DOCK1: variants seen among roughly 807,000 people sequenced by gnomAD.
The protein encoded by DOCK1 is dedicator of cytokinesis 1, also known as dedicator of cytokinesis protein 1.
Under a neutral mutation model 262.7 loss-of-function variants are expected in DOCK1, and 138 were observed. The observed-to-expected ratio is 0.53, with a 90% CI of 0.46 to 0.61. The LOEUF (loss-of-function observed/expected upper bound fraction) is 0.61, where lower values mean the gene tolerates loss of function less well. Among genes scored for constraint, DOCK1 ranks in the 20% least tolerant of loss-of-function variants. The probability of loss-of-function intolerance (pLI) is 0.00; values close to 1 mark genes in which losing one functional copy is unlikely to be tolerated. For missense variants in DOCK1, 1,908 were observed against 2,370.7 expected, an observed-to-expected ratio of 0.80 and a Z score of 4.05; for synonymous variants, 866 against 867.4, an observed-to-expected ratio of 1.00 and a Z score of 0.03.
At chr10:127,033,647 G>A (rs1433330192) in intron 18 of DOCK1, among the ~76,000 whole-genome samples, 2 of 152,124 alleles carry the variant, frequency 1.3e-5, no homozygotes, top group Non-Finnish European at 2.9e-5. Flanking sequence ...GGGATTGTCC[G>A]TAAATCATGG....
At chr10:127,217,395 A>G (rs2134400116) in intron 27 of DOCK1, among the ~76,000 whole-genome samples, 1 of 152,304 alleles carries the variant, frequency 6.6e-6, no homozygotes, top group South Asian at 2.1e-4. Flanking sequence ...ATTTACTGGA[A>G]ACCAAATTGA....
intron 1 of DOCK1, among the ~76,000 whole-genome samples, chr10:126,941,483 A>G (rs936864891): frequency 0.013 from 2,039 of 152,322 alleles, 31 homozygotes; most frequent in African/African-American, 0.039. Flanking sequence ...TGGGCCGGGC[A>G]CAGTGGCTCA....
At chr10:126,940,337 T>C (rs2034889171) in intron 1 of DOCK1, among the ~76,000 whole-genome samples, 1 of 152,212 alleles carries the variant, frequency 6.6e-6, no homozygotes, top group Admixed American at 6.5e-5. Context: ...TGTTTATTCT[T>C]TCAAACCAGG....
chr10:127,157,397 G>A (rs1409859241), intron 27 of DOCK1, among the ~76,000 whole-genome samples: 4 of 152,228 alleles, frequency 2.6e-5, no homozygotes, highest in African/African-American at 9.6e-5. Flanking sequence ...TATAAAATGA[G>A]AGGCCCTTTG....
At chr10:127,182,222 T>G (rs1564879254) in intron 27 of DOCK1, among the ~76,000 whole-genome samples, 1 of 152,184 alleles carries the variant, frequency 6.6e-6, no homozygotes, top group Non-Finnish European at 1.5e-5. Flanking sequence ...AGAGGTTAAA[T>G]GTAGGCATCG....
intron 30 of DOCK1, among the ~76,000 whole-genome samples, chr10:127,340,862 T>C (rs1158382103): frequency 6.6e-6 from 1 of 152,204 alleles, no homozygotes. Context: ...TCTCCTAACA[T>C]TCGTATTTGG....
chr10:127,359,211 T>G (rs2064292885), intron 32 of DOCK1, among the ~76,000 whole-genome samples: 1 of 151,938 alleles, frequency 6.6e-6, no homozygotes, highest in Non-Finnish European at 1.5e-5. Flanking sequence ...GGACCACTGG[T>G]TTACGAAGAG....
rs868181611 is a variant in DOCK1, at chr10:127,240,896, T to C, written c.2848-7112T>C. ...CAAGATTTTTCCAAGTATGTTATTATTTTAAATCTGAGAAATATGATAGTT... is the reference window on the plus strand; with the variant it reads ...CAAGATTTTTCCAAGTATGTTATTACTTTAAATCTGAGAAATATGATAGTT... On this transcript the variant is annotated intron_variant, in intron 27 of 51. Coordinates refer to ENST00000623213, the MANE Select transcript of DOCK1 (RefSeq NM_001290223.2). Among the ~76,000 whole-genome samples the C allele has an allele frequency of 1.4e-4, 21 of 152,236 alleles. 1 individual carries two copies. The highest frequency in any genetic ancestry group is 1.1e-3 in the Admixed American group (17 of 15,286).
chr10:126,992,746 A>ACACACACT (rs1565039684), intron 6 of DOCK1, among the ~76,000 whole-genome samples: 1 of 143,360 alleles, frequency 7.0e-6, no homozygotes, highest in South Asian at 2.4e-4. Context: ...AGACACACAC[A>ACACACACT]CACACACACA....
At chr10:127,150,795 T>C (rs186162224) in intron 27 of DOCK1, among the ~76,000 whole-genome samples, 110 of 152,348 alleles carry the variant, frequency 7.2e-4, no homozygotes, top group African/African-American at 2.5e-3. Flanking sequence ...AGGTCAAGTA[T>C]GGATTCAGAA....
At chr10:127,253,934 G>T (rs1358684702) in intron 28 of DOCK1, among the ~76,000 whole-genome samples, 1 of 146,760 alleles carries the variant, frequency 6.8e-6, no homozygotes, top group Non-Finnish European at 1.5e-5. Flanking sequence ...TCCGTTGAAA[G>T]CACGTTGGCA....
intron 27 of DOCK1, among the ~76,000 whole-genome samples, chr10:127,201,853 T>C (rs2057476266): frequency 3.3e-5 from 5 of 152,194 alleles, no homozygotes. Context: ...TCTATAGGGT[T>C]TCTTACTATC....
chr10:127,409,012 A>G (rs761608368), intron 40 of DOCK1, 25 bp from the exon 41 acceptor site: 9 of 1,565,368 alleles, frequency 5.7e-6, no homozygotes, highest in Admixed American at 1.9e-5. Flanking sequence ...CTGTGGTGTT[A>G]TGAAATGAAT....
At chr10:127,024,414 G>C (rs2135461086) in intron 14 of DOCK1, among the ~76,000 whole-genome samples, 1 of 152,306 alleles carries the variant, frequency 6.6e-6, no homozygotes, top group East Asian at 1.9e-4. Context: ...TAATGTTAAA[G>C]TTATTAGGGT....
chr10:127,062,970 CT>C (rs2045630223), intron 23 of DOCK1, among the ~76,000 whole-genome samples: 1 of 152,110 alleles, frequency 6.6e-6, no homozygotes, highest in African/African-American at 2.4e-5. Context: ...CCTGAGTGTT[CT>C]TTAGGATGCT....
intron 27 of DOCK1, among the ~76,000 whole-genome samples, chr10:127,221,955 TAG>T (rs2058452014): frequency 1.3e-5 from 2 of 152,238 alleles, no homozygotes. Context: ...TCCAAAGCAG[TAG>T]AGACATTAGC....
chr10:126,980,764 TG>T (rs2038907557), intron 3 of DOCK1, among the ~76,000 whole-genome samples: 1 of 151,504 alleles, frequency 6.6e-6, no homozygotes, highest in African/African-American at 2.4e-5. Context: ...CCACAACAGG[TG>T]CCTTGAAGCC....
chr10:127,106,326 C>T, intron 24 of DOCK1, 25 bp downstream of exon 24: 1 of 1,580,724 alleles, frequency 6.3e-7, no homozygotes, highest in South Asian at 1.2e-5. Flanking sequence ...CAGGCGAATG[C>T]TTGTCACGTG....
chr10:127,171,865 G>A (rs771745136), intron 27 of DOCK1, among the ~76,000 whole-genome samples: 10 of 151,986 alleles, frequency 6.6e-5, no homozygotes, highest in Non-Finnish European at 1.0e-4. Context: ...CACCACGCCC[G>A]ACTAATGTTT....
Sources: allele counts gnomAD v4.1 joint callset (sites outside exome capture counted in the v4.1 genomes callset), GRCh38; gene constraint gnomAD v4.1.1; transcripts MANE v1.5; gene names NCBI Gene and HGNC (gene_info 2026-07-23, HGNC 2026-07-21).